Variants in MAP4K1 observed in about 807,000 individuals in gnomAD.
MAP4K1 encodes MAPK/ERK kinase kinase kinase 1.
MAP4K1 carries 35 observed loss-of-function variants against 122.8 expected under a neutral mutation model. That is an observed-to-expected ratio of 0.29 (90% CI 0.22 to 0.38). The LOEUF (loss-of-function observed/expected upper bound fraction) is 0.38, where lower values mean the gene tolerates loss of function less well. Ranked by LOEUF, MAP4K1 falls within the 10% of genes least tolerant of loss-of-function variation. The pLI, the probability that MAP4K1 is intolerant of heterozygous loss-of-function variation, is 1.00. For missense variants in MAP4K1, 791 were observed against 1,072.6 expected (o/e 0.74, Z 3.67); for synonymous variants, 412 against 421.3 (o/e 0.98, Z 0.27).
chr19:38,601,838 C>T (rs1381261946), intron 19 of MAP4K1: 3 of 353,520 alleles, frequency 8.5e-6, no homozygotes, highest in Non-Finnish European at 1.5e-5. Flanking sequence ...AATGCAATGA[C>T]ATGATCTCAG....
chr19:38,614,168 G>C, intron 6 of MAP4K1, 77 bp downstream of exon 6: 2 of 1,608,808 alleles, frequency 1.2e-6, no homozygotes, highest in Non-Finnish European at 1.7e-6. Context: ...AAACTACCCT[G>C]ATCCCTGAGC....
intron 27 of MAP4K1, 96 bp downstream of exon 27, chr19:38,595,843 G>A: frequency 4.0e-6 from 6 of 1,499,978 alleles, no homozygotes; most frequent in Middle Eastern, 1.7e-4. Context: ...GGCCCAGAGG[G>A]GCTCAGGGGG....
intron 27 of MAP4K1, 23 bp downstream of exon 27, chr19:38,595,907 TGGGGAGGAA>T (rs748199755): frequency 1.1e-4 from 176 of 1,605,854 alleles, no homozygotes; most frequent in Middle Eastern, 3.3e-4. Context: ...GCTGGAGGGG[TGGGGAGGAA>T]GGGGAGGAAG....
chr19:38,595,493 A>C lies in MAP4K1; in HGVS notation c.2332T>G (p.Ser778Ala). ...TGGATGGAGGGGCTTACCTGATCCG[A>C]GCCTAGAGCCCACACCTGCACTCCA... Reference protein sequence around the residue: ...KHGVQVWALGSDQLLQELRDP... With the variant: ...KHGVQVWALGADQLLQELRDP... The change falls in exon 29 of 31, where the codon TCG becomes GCG. Residue 778 changes from serine (S) to alanine (A), a missense_variant. By Grantham distance (99) the Ser-to-Ala change is moderately conservative (BLOSUM62 1). Transcript: ENST00000396857. 1 of 1,613,980 alleles carries C rather than the reference A, an allele frequency of 6.2e-7. No individual in the cohort carries two copies. The highest frequency in any genetic ancestry group is 8.5e-7 in the Non-Finnish European group (1 of 1,179,994).
At position 38,609,760 on chromosome 19, in the gene MAP4K1, C is replaced by A. The variant is rs1298227202; in HGVS notation, c.928-86G>T. On this transcript the variant is annotated intron_variant, in intron 12 of 30. Transcript: ENST00000396857. ...GGGGTCCATCTGCTCTCTCCTGTAA[C>A]CCTCTGGGCACACAGCCTTTTACCA... The A allele has an allele frequency of 1.1e-5, 15 of 1,367,412 alleles. No homozygotes were observed. The East Asian group carries it at 3.2e-4, about 29-fold the overall frequency. 84.7% of individuals were successfully genotyped at this position (1,367,412 alleles called of 1,614,324 possible).
chr19:38,595,805 G>C, intron 27 of MAP4K1, 76 bp from the exon 28 acceptor site: 1 of 1,487,654 alleles, frequency 6.7e-7, no homozygotes, highest in South Asian at 1.2e-5. Context: ...CATAAATTCA[G>C]TGTGAAAGCT....
In MAP4K1 at chr19:38,617,457, C is replaced by G. The variant is rs376446478; in HGVS notation, c.158-13G>C. 6.2e-7 allele frequency: 1 copy of G among 1,606,148 alleles called. No individual in the cohort carries two copies. Among genetic ancestry groups the G allele is most frequent in the Non-Finnish European group, 8.5e-7 (1 of 1,173,198 alleles). Reference sequence around the variant, plus strand: ...GAGACATCATCATCTGTGAGGAGGGCGGGAGAGAAAAGGCAGCTCGCATGG... The same window carrying G: ...GAGACATCATCATCTGTGAGGAGGGGGGGAGAGAAAAGGCAGCTCGCATGG... On this transcript the variant is annotated splice_polypyrimidine_tract_variant and intron_variant, in intron 2 of 30. Coordinates refer to ENST00000396857, the MANE Select transcript of MAP4K1 (RefSeq NM_001042600.3). The surrounding 1 kb of genome is among the most constrained non-coding windows in gnomAD (Gnocchi z 4.1).
At chr19:38,589,334 TAA>T (rs1974632934) in intron 30 of MAP4K1, 4 of 248,712 alleles carry the variant, frequency 1.6e-5, no homozygotes, top group Non-Finnish European at 3.3e-5. Flanking sequence ...CAAAAAACAA[TAA>T]AACTAGTGGG....
chr19:38,610,751 G>A (rs1975472660), intron 11 of MAP4K1, among the ~76,000 whole-genome samples: 1 of 152,140 alleles, frequency 6.6e-6, no homozygotes, highest in African/African-American at 2.4e-5. Context: ...GCGGGGCTAG[G>A]AGAATTCCAG....
At chr19:38,604,255 G>A (rs1487311364) in intron 19 of MAP4K1, among the ~76,000 whole-genome samples, 1 of 151,508 alleles carries the variant, frequency 6.6e-6, no homozygotes, top group African/African-American at 2.4e-5. Context: ...CATTATGCAT[G>A]TACGTAAAAA....
At chr19:38,609,499 A>T in intron 13 of MAP4K1, 97 bp downstream of exon 13, 1 of 1,032,920 alleles carries the variant, frequency 9.7e-7, no homozygotes, top group Non-Finnish European at 1.5e-6. Context: ...GGATCAGATG[A>T]TGCTGAGGGT....
At chr19:38,605,764 A>G (rs777938759) in intron 17 of MAP4K1, 34 bp from the exon 18 acceptor site, 107 of 1,584,350 alleles carry the variant, frequency 6.8e-5, no homozygotes, top group Non-Finnish European at 9.1e-5. Context: ...GGGGAAATAC[A>G]TCAGATGATC....
intron 19 of MAP4K1, among the ~76,000 whole-genome samples, chr19:38,602,979 C>T (rs999853684): frequency 3.0e-5 from 4 of 134,888 alleles, no homozygotes; most frequent in Non-Finnish European, 4.8e-5. Flanking sequence ...CACATATATA[C>T]GCATATACAT....
At position 38,589,166 on chromosome 19, in the gene MAP4K1, G is replaced by A. The variant is rs143977481; in HGVS notation, c.2397-1349C>T. 1.0e-3 allele frequency: 157 copies of A among 151,816 alleles called. 3 individuals carry two copies. In the South Asian group the frequency reaches 0.028, roughly 27 times the overall value. The allele number at this position is 151,816 out of a possible 1,614,324, so 9.4% of individuals were successfully genotyped here. A position where few individuals can be genotyped will look rare whatever the true frequency, so the allele number is the denominator to read the frequency against. ...TAAAACTAGTGGGCAGGCCAGGTGCGTTGGCTCAAACCTGTAATCCCAGCT... is the reference window on the plus strand; with the variant it reads ...TAAAACTAGTGGGCAGGCCAGGTGCATTGGCTCAAACCTGTAATCCCAGCT... On this transcript the variant is annotated intron_variant, in intron 30 of 30. Transcript: ENST00000396857.
Position 38,617,533 on chromosome 19 carries a change from G to A in MAP4K1, c.157+35C>T. On this transcript the variant is annotated intron_variant, in intron 2 of 30. Coordinates refer to ENST00000396857, the MANE Select transcript of MAP4K1 (RefSeq NM_001042600.3). This position sits in a 1 kb window ranked among gnomAD's most constrained non-coding sequence, Gnocchi z 4.1. ...CCAGTGTCCCAGGAGGCGAAGGTGG[G>A]GATGTGGGGAAGGAGCTCCATGTTC... The A allele has an allele frequency of 6.2e-7, 1 of 1,613,432 alleles. No individual in the cohort carries two copies. Among genetic ancestry groups the A allele is most frequent in the Non-Finnish European group, 8.5e-7 (1 of 1,179,424 alleles).
At chr19:38,611,027 G>C in intron 11 of MAP4K1, 24 bp downstream of exon 11, 1 of 1,594,486 alleles carries the variant, frequency 6.3e-7, no homozygotes, top group African/African-American at 1.3e-5. Context: ...CCTAGGCTGA[G>C]GATCTTGGGG....
intron 8 of MAP4K1, 116 bp downstream of exon 8, chr19:38,613,764 C>A: frequency 2.6e-6 from 2 of 779,266 alleles, no homozygotes; most frequent in Non-Finnish European, 4.1e-6. Flanking sequence ...AAGAATCTTC[C>A]AAGGAGAAAG....
intron 25 of MAP4K1, among the ~76,000 whole-genome samples, chr19:38,596,704 G>A (rs926404430): frequency 1.3e-5 from 2 of 152,218 alleles, no homozygotes; most frequent in African/African-American, 4.8e-5. Context: ...CCACCTTGGC[G>A]GCAGACGGGC....
In MAP4K1 at chr19:38,611,028, G is replaced by A. The variant is rs187501222; in HGVS notation, c.810+23C>T. On this transcript the variant is annotated intron_variant, in intron 11 of 30. Transcript: ENST00000396857. The stretch of plus-strand genomic sequence containing the variant: ...AGGCCCCAGGGAATCCTAGGCTGAG[G>A]ATCTTGGGGAAGGGAGGGTTACACT... 7.0e-4 allele frequency: 1,110 copies of A among 1,595,144 alleles called. 18 individuals are homozygous for A. The East Asian group carries it at 0.021, about 30-fold the overall frequency.
Sources: allele counts gnomAD v4.1 joint callset (sites outside exome capture counted in the v4.1 genomes callset), GRCh38; gene constraint gnomAD v4.1.1; non-coding constraint Gnocchi (gnomAD v3.1); transcripts MANE v1.5; gene names NCBI Gene and HGNC (gene_info 2026-07-23, HGNC 2026-07-21).